The following WNK2 variants were observed in gnomAD, a reference collection of about 807,000 sequenced individuals.
WNK2 encodes WNK lysine deficient protein kinase 2.
In WNK2, 67 loss-of-function variants were observed where a neutral mutation model predicts 192.1. The observed-to-expected ratio is 0.35, with a 90% CI of 0.29 to 0.43. The LOEUF is 0.43. Among genes scored for constraint, WNK2 ranks in the 20% least tolerant of loss-of-function variants. The pLI, the probability that WNK2 is intolerant of heterozygous loss-of-function variation, is 1.00. For missense variants in WNK2, 2,698 were observed against 3,089.7 expected, an observed-to-expected ratio of 0.87 and a Z score of 3.01; for synonymous variants, 1,439 against 1,393.9, an observed-to-expected ratio of 1.03 and a Z score of -0.72.
chr9:93,235,098 G>A, intron 5 of WNK2, 133 bp downstream of exon 5: 1 of 1,100,640 alleles, frequency 9.1e-7, no homozygotes, highest in South Asian at 1.6e-5. Flanking sequence ...TTGCAGAGGG[G>A]GAAACTGAGG....
chr9:93,280,226 G>A (rs187233527), intron 19 of WNK2, among the ~76,000 whole-genome samples: 1 of 152,320 alleles, frequency 6.6e-6, no homozygotes, highest in Non-Finnish European at 1.5e-5. Context: ...CTATTGAAAA[G>A]GTTGGTACAG....
chr9:93,192,081 C>T (rs777835325), intron 2 of WNK2, among the ~76,000 whole-genome samples: 43 of 148,758 alleles, frequency 2.9e-4, no homozygotes, highest in African/African-American at 6.5e-4. Context: ...TTTGGGAGGC[C>T]GAGGTGGGCG....
intron 2 of WNK2, among the ~76,000 whole-genome samples, chr9:93,226,692 C>G (rs868103463): frequency 1.3e-5 from 2 of 152,166 alleles, no homozygotes; most frequent in South Asian, 2.1e-4. Context: ...TCTGCCTTTT[C>G]CAGGGTTTCA....
At chr9:93,304,406 G>A (rs1588586005) in intron 26 of WNK2, among the ~76,000 whole-genome samples, 1 of 152,372 alleles carries the variant, frequency 6.6e-6, no homozygotes, top group Non-Finnish European at 1.5e-5. Flanking sequence ...AGAAAGCAGC[G>A]GATCCCCCAA....
chr9:93,242,923 G>A (rs945521112), intron 7 of WNK2, among the ~76,000 whole-genome samples: 5 of 152,204 alleles, frequency 3.3e-5, no homozygotes, highest in African/African-American at 1.2e-4. Context: ...AGAATGAGGC[G>A]CTCTTGTTCC....
chr9:93,228,409 C>G (rs1036470307), intron 2 of WNK2, among the ~76,000 whole-genome samples: 1 of 152,162 alleles, frequency 6.6e-6, no homozygotes, highest in African/African-American at 2.4e-5. Flanking sequence ...ACTCTGATCT[C>G]TCCCCTTATC....
At chr9:93,291,075 G>C (rs926957160) in intron 21 of WNK2, among the ~76,000 whole-genome samples, 2 of 152,222 alleles carry the variant, frequency 1.3e-5, no homozygotes, top group Non-Finnish European at 2.9e-5. Context: ...CGGGGCAGCT[G>C]GCTCTGGGGT....
At chr9:93,268,907 A>G (rs367897100) in intron 19 of WNK2, 161 bp downstream of exon 19, 3 of 1,562,610 alleles carry the variant, frequency 1.9e-6, no homozygotes, top group Non-Finnish European at 1.7e-6. Context: ...CTGTGTTCCT[A>G]TCCTTGTTTT....
intron 4 of WNK2, among the ~76,000 whole-genome samples, chr9:93,231,654 G>A (rs2132055419): frequency 6.6e-6 from 1 of 152,358 alleles, no homozygotes; most frequent in Admixed American, 6.5e-5. Context: ...GCGGGGCGGG[G>A]CACAGAGCAG....
At chr9:93,224,177 C>T (rs997493026) in intron 2 of WNK2, among the ~76,000 whole-genome samples, 1 of 152,240 alleles carries the variant, frequency 6.6e-6, no homozygotes. Flanking sequence ...TCTCCTCTGC[C>T]CGAGTGTGCG....
intron 16 of WNK2, among the ~76,000 whole-genome samples, chr9:93,265,803 G>C (rs906876921): frequency 2.0e-5 from 3 of 152,202 alleles, no homozygotes; most frequent in Non-Finnish European, 2.9e-5. Flanking sequence ...AGCCTGTGTC[G>C]TGTCCACTGG....
chr9:93,185,936 G>A (rs1417845922), intron 2 of WNK2, among the ~76,000 whole-genome samples: 1 of 152,202 alleles, frequency 6.6e-6, no homozygotes, highest in Admixed American at 6.5e-5. Flanking sequence ...TGTCTCTTAG[G>A]CTGCTGCTTC....
chr9:93,221,153 G>A (rs944996710), intron 2 of WNK2, among the ~76,000 whole-genome samples: 5 of 152,226 alleles, frequency 3.3e-5, no homozygotes, highest in Admixed American at 6.5e-5. Flanking sequence ...CTGACCTGCC[G>A]TGCTCATGCT....
intron 5 of WNK2, among the ~76,000 whole-genome samples, chr9:93,236,384 C>T (rs1839820420): frequency 6.6e-6 from 1 of 152,158 alleles, no homozygotes; most frequent in South Asian, 2.1e-4. Flanking sequence ...GGCAGGTGGG[C>T]GTGCCCCCAC....
intron 18 of WNK2, 135 bp from the exon 19 acceptor site, chr9:93,268,492 C>G: frequency 1.5e-6 from 2 of 1,377,710 alleles, no homozygotes; most frequent in Non-Finnish European, 2.0e-6. Flanking sequence ...TGCCCACACC[C>G]TTCCTGGAGA....
chr9:93,194,921 A>G (rs1830963328), intron 2 of WNK2, among the ~76,000 whole-genome samples: 1 of 152,202 alleles, frequency 6.6e-6, no homozygotes, highest in Admixed American at 6.5e-5. Context: ...GAGGAGCCAG[A>G]AATGAATATT....
intron 5 of WNK2, 142 bp downstream of exon 5, chr9:93,235,107 G>A: frequency 2.9e-6 from 3 of 1,030,342 alleles, no homozygotes; most frequent in South Asian, 1.7e-5. Context: ...GGGAAACTGA[G>A]GAGATTGGCC....
At chr9:93,226,724 A>T in intron 2 of WNK2, among the ~76,000 whole-genome samples, 1 of 152,150 alleles carries the variant, frequency 6.6e-6, no homozygotes, top group East Asian at 1.9e-4. Context: ...GGGTCCTACC[A>T]GACATATTCT....
intron 13 of WNK2, 38 bp from the exon 14 acceptor site, chr9:93,262,632 G>T (rs7867166): frequency 4.8e-5 from 78 of 1,610,216 alleles, no homozygotes; most frequent in Non-Finnish European, 6.3e-5. Flanking sequence ...GCGGGAGTCC[G>T]CATGACCTGT....
Sources: gnomAD v4.1 joint callset for allele counts (sites outside exome capture counted in the v4.1 genomes callset) on GRCh38, gnomAD v4.1.1 for gene constraint, MANE v1.5 for transcripts, NCBI Gene and HGNC (gene_info 2026-07-23, HGNC 2026-07-21) for gene names.